The following DPYD variants were observed in gnomAD, a reference collection of about 807,000 sequenced individuals.
The protein encoded by DPYD is dihydropyrimidine dehydrogenase, also known as dihydropyrimidine dehydrogenase [NADP(+)].
DPYD carries 109 observed loss-of-function variants against 116.2 expected under a neutral mutation model. The observed-to-expected ratio is 0.94, with a 90% confidence interval of 0.80 to 1.10. The LOEUF is 1.10. Among genes scored for constraint, DPYD ranks in the 50% least tolerant of loss-of-function variants. The probability of loss-of-function intolerance (pLI) is 0.00; values close to 1 mark genes in which losing one functional copy is unlikely to be tolerated. For missense variants in DPYD, 1,302 were observed against 1,254.5 expected, an observed-to-expected ratio of 1.04 and a Z score of -0.57; for synonymous variants, 440 against 432.0, an observed-to-expected ratio of 1.02 and a Z score of -0.23.
intron 19 of DPYD, among the ~76,000 whole-genome samples, chr1:97,205,371 C>T (rs1438368080): frequency 6.6e-6 from 1 of 151,924 alleles, no homozygotes; most frequent in East Asian, 1.9e-4. Context: ...TTACTGTCTC[C>T]ATAGTTTTGC....
intron 20 of DPYD, among the ~76,000 whole-genome samples, chr1:97,188,711 A>C (rs1658162243): frequency 6.6e-6 from 1 of 152,204 alleles, no homozygotes; most frequent in Non-Finnish European, 1.5e-5. Flanking sequence ...AAAATATATT[A>C]ATGATTGATC....
chr1:97,687,008 T>C (rs1371705346), intron 7 of DPYD, among the ~76,000 whole-genome samples: 1 of 152,010 alleles, frequency 6.6e-6, no homozygotes, highest in South Asian at 2.1e-4. Flanking sequence ...CGGTGGCTCA[T>C]GTCTGTAATC....
chr1:97,264,945 T>C, intron 18 of DPYD, among the ~76,000 whole-genome samples: 1 of 152,260 alleles, frequency 6.6e-6, no homozygotes, highest in East Asian at 1.9e-4. Context: ...AAAGATATGG[T>C]TATGAGAAAG....
intron 3 of DPYD, among the ~76,000 whole-genome samples, chr1:97,786,937 G>A (rs539595880): frequency 3.8e-4 from 58 of 152,226 alleles, no homozygotes; most frequent in African/African-American, 1.3e-3. Context: ...TTGCATGGAA[G>A]TTCCTAACTT....
intron 20 of DPYD, among the ~76,000 whole-genome samples, chr1:97,127,371 T>C (rs181754627): frequency 2.0e-5 from 3 of 152,254 alleles, no homozygotes; most frequent in Admixed American, 2.0e-4. Context: ...GTTACATTTT[T>C]GTAGGCAAAG....
chr1:97,514,432 T>C (rs1259901208), intron 13 of DPYD, among the ~76,000 whole-genome samples: 1 of 151,912 alleles, frequency 6.6e-6, no homozygotes, highest in Non-Finnish European at 1.5e-5. Context: ...GCATAACTAA[T>C]ATAGTCAGTA....
intron 12 of DPYD, among the ~76,000 whole-genome samples, chr1:97,529,679 TTTTC>T (rs1649426072): frequency 2.7e-5 from 4 of 148,250 alleles, no homozygotes; most frequent in Non-Finnish European, 6.0e-5. Flanking sequence ...TCTCTTTCTC[TTTTC>T]TTTTCTTTCT....
chr1:97,186,683 T>C (rs1658012987), intron 20 of DPYD, among the ~76,000 whole-genome samples: 1 of 152,046 alleles, frequency 6.6e-6, no homozygotes, highest in South Asian at 2.1e-4. Context: ...ACGCTGTCTC[T>C]ACTAAAAATA....
At chr1:97,915,105 A>G (rs1259800146) in intron 1 of DPYD, among the ~76,000 whole-genome samples, 1 of 152,168 alleles carries the variant, frequency 6.6e-6, no homozygotes, top group African/African-American at 2.4e-5. Context: ...TGTGACTCCA[A>G]TTAATCCTTA....
intron 13 of DPYD, among the ~76,000 whole-genome samples, chr1:97,493,361 G>A (rs756634884): frequency 1.7e-4 from 26 of 152,158 alleles, no homozygotes; most frequent in Non-Finnish European, 2.9e-5. Context: ...GGAAGCCATG[G>A]AAATCCAGAG....
chr1:97,682,515 A>G (rs1363216182), intron 7 of DPYD, among the ~76,000 whole-genome samples: 1 of 152,050 alleles, frequency 6.6e-6, no homozygotes, highest in East Asian at 1.9e-4. Context: ...CTTAGAAAGA[A>G]TTAGAAGAAA....
chr1:97,413,391 G>A (rs1674115188), intron 14 of DPYD, among the ~76,000 whole-genome samples: 1 of 152,056 alleles, frequency 6.6e-6, no homozygotes, highest in African/African-American at 2.4e-5. Context: ...AGAGTAATGC[G>A]GATTTTTGCT....
intron 15 of DPYD, among the ~76,000 whole-genome samples, chr1:97,377,936 G>T (rs555046088): frequency 6.6e-6 from 1 of 152,218 alleles, no homozygotes; most frequent in Non-Finnish European, 1.5e-5. Flanking sequence ...GTCTGGCAAA[G>T]GACATCAGAG....
At chr1:97,777,506 A>G (rs1666476784) in intron 3 of DPYD, among the ~76,000 whole-genome samples, 1 of 152,234 alleles carries the variant, frequency 6.6e-6, no homozygotes, top group Non-Finnish European at 1.5e-5. Context: ...AGTTCAATGT[A>G]CAAATGAGAG....
At chr1:97,242,124 GTATATATATATATATATATATATA>G (rs71590220) in intron 18 of DPYD, among the ~76,000 whole-genome samples, 9 of 35,866 alleles carry the variant, frequency 2.5e-4, no homozygotes, top group Non-Finnish European at 3.4e-4. Flanking sequence ...GTGTGCGTGT[GTATATATATATATATATATATATA>G]TATATATATA....
intron 11 of DPYD, among the ~76,000 whole-genome samples, chr1:97,558,726 G>T (rs2102125002): frequency 6.6e-6 from 1 of 152,196 alleles, no homozygotes; most frequent in African/African-American, 2.4e-5. Flanking sequence ...TGTGTTATTT[G>T]TATTCTATTG....
At chr1:97,829,072 T>C (rs920363346) in intron 2 of DPYD, among the ~76,000 whole-genome samples, 5 of 151,954 alleles carry the variant, frequency 3.3e-5, no homozygotes, top group Admixed American at 2.6e-4. Context: ...TATGAATCTT[T>C]TGGCACCCTA....
chr1:97,401,249 C>G (rs1296884760), intron 14 of DPYD, among the ~76,000 whole-genome samples: 1 of 152,078 alleles, frequency 6.6e-6, no homozygotes, highest in African/African-American at 2.4e-5. Context: ...CAAATATTTT[C>G]TCCCAGTCGG....
intron 14 of DPYD, among the ~76,000 whole-genome samples, chr1:97,445,017 C>A (rs963796215): frequency 1.3e-5 from 2 of 152,116 alleles, no homozygotes; most frequent in African/African-American, 4.8e-5. Flanking sequence ...AAAACAAGCA[C>A]CTCTGCACTT....
Sources: gnomAD v4.1 joint callset for allele counts (sites outside exome capture counted in the v4.1 genomes callset) on GRCh38, gnomAD v4.1.1 for gene constraint, MANE v1.5 for transcripts, NCBI Gene and HGNC (gene_info 2026-07-23, HGNC 2026-07-21) for gene names.